Variants in PXK observed in about 807,000 individuals in gnomAD.
PXK encodes PX domain-containing protein kinase-like protein.
In PXK, 35 loss-of-function variants were observed where a neutral mutation model predicts 84.7. The observed-to-expected ratio is 0.41, with a 90% CI of 0.32 to 0.55. PXK has a LOEUF of 0.55. PXK is among the 20% of genes least tolerant of loss of function. PXK has a pLI of 0.21. For synonymous variants in PXK, 253 were observed against 260.8 expected (o/e 0.97, Z 0.29); for missense variants, 634 against 699.7 (o/e 0.91, Z 1.06).
intron 3 of PXK, among the ~76,000 whole-genome samples, chr3:58,380,936 T>A (rs1262377901): frequency 6.6e-6 from 1 of 151,874 alleles, no homozygotes; most frequent in African/African-American, 2.4e-5. Context: ...AAAAAATGTA[T>A]CTCCTGCTCT....
At chr3:58,356,281 G>C (rs867882174) in intron 1 of PXK, among the ~76,000 whole-genome samples, 3 of 152,168 alleles carry the variant, frequency 2.0e-5, no homozygotes, top group Middle Eastern at 3.2e-3. Context: ...GCCCTTTGGG[G>C]AAGTGGCAGC....
At chr3:58,346,483 A>G (rs567300746) in intron 1 of PXK, among the ~76,000 whole-genome samples, 18 of 152,104 alleles carry the variant, frequency 1.2e-4, no homozygotes, top group African/African-American at 3.9e-4. Context: ...GAAGTAGTAC[A>G]AGGTAGATGA....
At chr3:58,413,164 A>G (rs1014503924) in intron 17 of PXK, 2 of 630,738 alleles carry the variant, frequency 3.2e-6, no homozygotes, top group African/African-American at 1.8e-5. Context: ...TTCACAGGGA[A>G]TGGACCGGTT....
rs143056497 is a variant in PXK, at chr3:58,340,797, G to A, written c.102+7707G>A. ...AGTAAACCCTCTGTTCCTCACTGCA[G>A]GGCAGGTAGTGGTTTCTTTTTAGGC... is the stretch of plus-strand genomic sequence containing the variant. On this transcript the variant is annotated intron_variant, in intron 1 of 17. Coordinates refer to ENST00000356151, the MANE Select transcript of PXK (RefSeq NM_017771.5). Among the ~76,000 whole-genome samples, 34 of 152,134 alleles carry A rather than the reference G, an allele frequency of 2.2e-4. No individual in the cohort carries two copies. The East Asian group carries it at 6.0e-3, about 27-fold the overall frequency.
chr3:58,397,111 G>T lies in PXK; in HGVS notation c.895G>T (p.Asp299Tyr). Reference sequence around the variant, plus strand: ...CGCCTCCAATGTGATGCTCGATGGGGACACTTGCCGGCTGCTGGACCTTGA... The same window carrying T: ...CGCCTCCAATGTGATGCTCGATGGGTACACTTGCCGGCTGCTGGACCTTGA... Reference protein sequence around the residue: ...LHASNVMLDGDTCRLLDLENS... With the variant: ...LHASNVMLDGYTCRLLDLENS... Residue 299 changes from aspartate to tyrosine, a missense_variant, in exon 10 of 18, where the codon GAC (aspartate) becomes TAC (tyrosine). Physicochemically the swap from Asp to Tyr is radical, Grantham distance 160 (BLOSUM62 -3). Coordinates refer to ENST00000356151, the MANE Select transcript of PXK (RefSeq NM_017771.5). This position sits in a 1 kb window ranked among gnomAD's most constrained non-coding sequence, Gnocchi z 4.7. 6.2e-7 allele frequency: 1 copy of T among 1,614,204 alleles called. No individual in the cohort carries two copies. The highest frequency in any genetic ancestry group is 1.1e-5 in the South Asian group (1 of 91,090).
In PXK at chr3:58,409,613, C is replaced by G. The variant is rs1481243941; in HGVS notation, c.1390C>G (p.Arg464Gly). The G allele has an allele frequency of 7.4e-6, 12 of 1,610,832 alleles. No homozygotes were observed. Among genetic ancestry groups the G allele is most frequent in the African/African-American group, 1.3e-5 (1 of 74,594 alleles). The change falls in exon 15 of 18, where the codon CGA becomes GGA. Residue 464 changes from arginine to glycine, a missense_variant. By Grantham distance (125) the Arg-to-Gly change is moderately radical. This residue lies in a region of PXK where 273 missense variants were observed against 283.6 expected (regional missense o/e 0.96). Transcript: ENST00000356151. The surrounding 1 kb of genome is among the most constrained non-coding windows in gnomAD (Gnocchi z 4.2). The stretch of plus-strand genomic sequence containing the variant: ...AAGAAAAAAAAGAAAGATTTTAGCT[C>G]GAAAGGTAAGCCTGCTGTCTCTCTG... The part of the protein sequence containing the change: ...EERKKRKILA[R>G]KKSKRSALEN...
intron 1 of PXK, among the ~76,000 whole-genome samples, chr3:58,347,634 AT>A (rs1205219262): frequency 9.2e-5 from 14 of 152,136 alleles, no homozygotes; most frequent in African/African-American, 3.4e-4. Context: ...GTTGGTAGAT[AT>A]TTGGGTTATT....
chr3:58,373,328 G>T (rs1194996586), intron 3 of PXK, among the ~76,000 whole-genome samples: 2 of 152,096 alleles, frequency 1.3e-5, no homozygotes, highest in African/African-American at 4.8e-5. Flanking sequence ...GCCCACCTTG[G>T]CCTCCCAAAG....
intron 1 of PXK, among the ~76,000 whole-genome samples, chr3:58,363,462 A>G (rs1284925385): frequency 6.6e-6 from 1 of 152,052 alleles, no homozygotes; most frequent in Non-Finnish European, 1.5e-5. Flanking sequence ...AGCTGGGACT[A>G]CAGGCATGTG....
rs142209538 is a variant in PXK, at chr3:58,408,979, G to A, written c.1286G>A (p.Arg429Lys). The change falls in exon 14 of 18, where the codon AGA becomes AAA. Residue 429 changes from arginine to lysine, a missense_variant. Arg to Lys is a conservative substitution (Grantham distance 26, BLOSUM62 2). Transcript: ENST00000356151. The stretch of plus-strand genomic sequence containing the variant: ...ATTGCCAAAGAATGTATAGAGAAGA[G>A]ACTAATTGAGGAACAGAAACAGGTA... ...LRIAKECIEK[R>K]LIEEQKQIHQ... The A allele has an allele frequency of 1.3e-5, 20 of 1,588,978 alleles. No homozygotes were observed. In the African/African-American group the frequency reaches 2.4e-4, roughly 19 times the overall value.
intron 13 of PXK, among the ~76,000 whole-genome samples, chr3:58,404,701 G>C (rs2059126180): frequency 6.6e-6 from 1 of 152,164 alleles, no homozygotes; most frequent in African/African-American, 2.4e-5. Flanking sequence ...CTCACTATGA[G>C]TGCGATTTGG....
Position 58,397,809 on chromosome 3 carries a change from A to T in PXK, c.1102+87A>T. 4.6e-6 allele frequency: 5 copies of T among 1,084,218 alleles called. No individual in the cohort carries two copies. The highest frequency in any genetic ancestry group is 6.7e-6 in the Non-Finnish European group (5 of 740,944). The allele number at this position is 1,084,218 out of a possible 1,614,324, so 67.2% of individuals were successfully genotyped here. A position where few individuals can be genotyped will look rare whatever the true frequency, so the allele number is the denominator to read the frequency against. On this transcript the variant is annotated intron_variant, in intron 11 of 17. Coordinates refer to ENST00000356151, the MANE Select transcript of PXK (RefSeq NM_017771.5). The surrounding 1 kb of genome is among the most constrained non-coding windows in gnomAD (Gnocchi z 4.7). ...TTTCCAGAGTCCAGGAAAGACCCAGAGGAAGTTGCTGTCCTCCACAGCCAG... is the reference window on the plus strand; with the variant it reads ...TTTCCAGAGTCCAGGAAAGACCCAGTGGAAGTTGCTGTCCTCCACAGCCAG...
rs755711176 is a variant in PXK at position 58,399,972 on chromosome 3, G to T, written c.1181+595G>T. Among the ~76,000 whole-genome samples, 4 of 152,134 alleles carry T rather than the reference G, an allele frequency of 2.6e-5. No homozygotes were observed. Among genetic ancestry groups the T allele is most frequent in the Non-Finnish European group, 5.9e-5 (4 of 68,028 alleles). On this transcript the variant is annotated intron_variant, in intron 12 of 17. Transcript: ENST00000356151. This position sits in a 1 kb window ranked among gnomAD's most constrained non-coding sequence, Gnocchi z 4.3. ...GTAGATAACCAGGGCAGCTGAAATA[G>T]TGCTGTGGGGCCTTCCCTTCAGGTG...
chr3:58,378,877 G>C (rs1356234073), intron 3 of PXK, among the ~76,000 whole-genome samples: 2 of 151,616 alleles, frequency 1.3e-5, no homozygotes, highest in Non-Finnish European at 2.9e-5. Context: ...TAACTAGTCT[G>C]ATCAGATATT....
Position 58,390,955 on chromosome 3 carries a change from T to C in PXK, c.467-192T>C, listed in dbSNP as rs1367649875. Among the ~76,000 whole-genome samples the C allele has an allele frequency of 6.6e-6, 1 of 152,254 alleles. No individual in the cohort carries two copies. The highest frequency in any genetic ancestry group is 1.9e-4 in the East Asian group (1 of 5,204). ...ACTTTCCTGCCTTTTCCGTGAATAA[T>C]TTCTTCATTTACTGTTTCTTTTTAA... On this transcript the variant is annotated intron_variant, in intron 5 of 17. Transcript: ENST00000356151. The surrounding 1 kb of genome is among the most constrained non-coding windows in gnomAD (Gnocchi z 4.2).
At chr3:58,380,401 G>C (rs11130631) in intron 3 of PXK, among the ~76,000 whole-genome samples, 44,233 of 150,658 alleles carry the variant, frequency 0.29, 7,279 homozygotes, top group Middle Eastern at 0.39. Flanking sequence ...CCACCACACT[G>C]CAGCCTGAGT....
intron 1 of PXK, among the ~76,000 whole-genome samples, chr3:58,351,188 T>C (rs1409525869): frequency 6.6e-6 from 1 of 152,148 alleles, no homozygotes; most frequent in African/African-American, 2.4e-5. Context: ...CAATCTTTAT[T>C]ACTCAGGATT....
At chr3:58,403,773 TG>T (rs1298062291) in intron 12 of PXK, 88 bp from the exon 13 acceptor site, 2 of 705,622 alleles carry the variant, frequency 2.8e-6, no homozygotes, top group Non-Finnish European at 2.2e-6. Context: ...GGAGACCTCA[TG>T]GGCTAAAGGT....
In PXK at chr3:58,370,199, C is replaced by A. The variant is rs1238129390; in HGVS notation, c.201+721C>A. Among the ~76,000 whole-genome samples, 3 of 152,174 alleles carry A rather than the reference C, an allele frequency of 2.0e-5. No homozygotes were observed. Among genetic ancestry groups the A allele is most frequent in the Non-Finnish European group, 4.4e-5 (3 of 68,032 alleles). ...ATGCAGCAGTAACTGAGAGTCTCAA[C>A]CTTTTTCTGTTTAACTTTTTTATCC... On this transcript the variant is annotated intron_variant, in intron 3 of 17. Transcript: ENST00000356151. This position sits in a 1 kb window ranked among gnomAD's most constrained non-coding sequence, Gnocchi z 4.2.
Sources: allele counts gnomAD v4.1 joint callset (sites outside exome capture counted in the v4.1 genomes callset), GRCh38; gene constraint gnomAD v4.1.1; regional missense constraint gnomAD v4.1.1; non-coding constraint Gnocchi (gnomAD v3.1); transcripts MANE v1.5; gene names NCBI Gene and HGNC (gene_info 2026-07-23, HGNC 2026-07-21).